CUX1: variants seen among roughly 807,000 people sequenced by gnomAD.
CUX1 encodes the protein cut like homeobox 1.
In CUX1, 31 loss-of-function variants were observed where a neutral mutation model predicts 158.8. The ratio of observed to expected loss-of-function variants is 0.20; its 90% CI spans 0.15 to 0.26. The LOEUF is 0.26. Among genes scored for constraint, CUX1 ranks in the 10% least tolerant of loss-of-function variants. CUX1 has a pLI of 1.00. For missense variants in CUX1, 1,589 were observed against 2,014.6 expected, an observed-to-expected ratio of 0.79 and a Z score of 4.04; for synonymous variants, 879 against 862.1, an observed-to-expected ratio of 1.02 and a Z score of -0.34.
At chr7:102,152,417 T>TTTTG (rs573382589) in intron 8 of CUX1, among the ~76,000 whole-genome samples, 16 of 152,046 alleles carry the variant, frequency 1.1e-4, no homozygotes, top group African/African-American at 3.6e-4. Flanking sequence ...GTTTGTTTGT[T>TTTTG]TTTGTTTGTT....
chr7:101,906,384 G>A (rs1352395936), intron 1 of CUX1, among the ~76,000 whole-genome samples: 2 of 151,468 alleles, frequency 1.3e-5, no homozygotes, highest in Non-Finnish European at 2.9e-5. Flanking sequence ...AACATTTTTT[G>A]GAAGAGAGAA....
chr7:101,999,115 C>T (rs899154618), intron 2 of CUX1, among the ~76,000 whole-genome samples: 4 of 151,786 alleles, frequency 2.6e-5, no homozygotes, highest in African/African-American at 9.7e-5. Context: ...GGGGCCACCT[C>T]TGGAGTCCGC....
intron 4 of CUX1, among the ~76,000 whole-genome samples, chr7:102,080,761 CCT>C (rs1827292839): frequency 6.6e-6 from 1 of 152,184 alleles, no homozygotes; most frequent in African/African-American, 2.4e-5. Flanking sequence ...TCTCACAGGA[CCT>C]CTCTGCACCG....
At chr7:102,280,515 C>T (rs1279838407) in intron 19 of CUX1, among the ~76,000 whole-genome samples, 2 of 152,344 alleles carry the variant, frequency 1.3e-5, no homozygotes, top group East Asian at 3.9e-4. Context: ...CACAACTCCC[C>T]TCCCCCACCC....
chr7:102,223,212 A>G (rs921075256), intron 20 of CUX1, among the ~76,000 whole-genome samples: 3 of 151,932 alleles, frequency 2.0e-5, no homozygotes, highest in Non-Finnish European at 4.4e-5. Context: ...ACTCGAGGCC[A>G]AGAGTTTAAG....
At chr7:102,190,601 C>T (rs1794168468) in intron 12 of CUX1, among the ~76,000 whole-genome samples, 1 of 152,202 alleles carries the variant, frequency 6.6e-6, no homozygotes, top group Admixed American at 6.5e-5. Context: ...CACTGGCATG[C>T]CCGCCTCACT....
intron 1 of CUX1, chr7:101,824,859 T>C (rs889851421): frequency 2.0e-5 from 3 of 152,244 alleles, no homozygotes; most frequent in African/African-American, 7.2e-5. Flanking sequence ...ACGTTTTTGA[T>C]GAGGTTTGGA....
intron 9 of CUX1, among the ~76,000 whole-genome samples, chr7:102,167,697 C>T (rs554701474): frequency 3.3e-5 from 5 of 152,344 alleles, no homozygotes; most frequent in South Asian, 2.1e-4. Flanking sequence ...AGTGATTTGA[C>T]GTGATCATCA....
At chr7:102,063,288 A>T (rs1052663725) in intron 3 of CUX1, among the ~76,000 whole-genome samples, 1 of 151,906 alleles carries the variant, frequency 6.6e-6, no homozygotes, top group Non-Finnish European at 1.5e-5. Flanking sequence ...ACCTCCCAGG[A>T]GCTACTGCCA....
intron 20 of CUX1, chr7:102,281,012 G>A (rs1263836277): frequency 1.3e-5 from 9 of 682,950 alleles, no homozygotes; most frequent in Middle Eastern, 3.3e-4. Flanking sequence ...TCCCCTTCCC[G>A]GGCAGATCCT....
rs144501002 is a variant in CUX1 at position 102,073,651 on chromosome 7, C to T, written c.268+3234C>T. On this transcript the variant is annotated intron_variant, in intron 4 of 23. Transcript: ENST00000292535. ...GAAAAAAGACCGTTTTTCTCATCAA[C>T]GTTTCCTCTTTACCTGAGCCAACCT... Among the ~76,000 whole-genome samples the T allele has an allele frequency of 3.8e-3, 578 of 152,286 alleles. 2 individuals are homozygous for T. Among genetic ancestry groups the T allele is most frequent in the African/African-American group, 0.013 (558 of 41,552 alleles).
intron 4 of CUX1, among the ~76,000 whole-genome samples, chr7:102,083,805 T>G (rs1827689336): frequency 1.4e-5 from 2 of 147,232 alleles, no homozygotes; most frequent in Non-Finnish European, 3.1e-5. Context: ...TGGCACAGAT[T>G]ATGTTCAGTT....
chr7:102,077,751 C>T (rs953174735), intron 4 of CUX1, among the ~76,000 whole-genome samples: 42 of 152,160 alleles, frequency 2.8e-4, no homozygotes, highest in African/African-American at 8.9e-4. Flanking sequence ...CTGGAATGAC[C>T]GCTTCTAACA....
chr7:102,149,260 A>T (rs1835353936), intron 8 of CUX1, among the ~76,000 whole-genome samples: 3 of 152,080 alleles, frequency 2.0e-5, no homozygotes, highest in Admixed American at 6.6e-5. Context: ...TACAGACTGG[A>T]TGTCCCCTAC....
At chr7:102,168,894 TTTTC>T (rs1791359860) in intron 9 of CUX1, among the ~76,000 whole-genome samples, 1 of 124,770 alleles carries the variant, frequency 8.0e-6, no homozygotes, top group African/African-American at 3.8e-5. Context: ...TTTTCTTTTC[TTTTC>T]TTTTCTTTTC....
At chr7:102,150,123 A>G (rs1835470222) in intron 8 of CUX1, among the ~76,000 whole-genome samples, 1 of 152,086 alleles carries the variant, frequency 6.6e-6, no homozygotes. Flanking sequence ...TGGTATTGAG[A>G]CTATTGGTGG....
chr7:102,156,812 G>A (rs535341089), intron 8 of CUX1, among the ~76,000 whole-genome samples: 51 of 152,320 alleles, frequency 3.3e-4, no homozygotes, highest in Non-Finnish European at 5.6e-4. Context: ...CCAACGTGAC[G>A]TGCAGCCCTG....
At chr7:102,080,865 G>A (rs1008077830) in intron 4 of CUX1, among the ~76,000 whole-genome samples, 1 of 152,180 alleles carries the variant, frequency 6.6e-6, no homozygotes, top group South Asian at 2.1e-4. Flanking sequence ...GTCCCAGAGC[G>A]ACTTAGTTGA....
At chr7:102,207,630 T>G (rs1554522070) in intron 20 of CUX1, among the ~76,000 whole-genome samples, 1 of 151,972 alleles carries the variant, frequency 6.6e-6, no homozygotes, top group Admixed American at 6.6e-5. Context: ...TTTTGTAGTT[T>G]CGGTAGTGAC....
Sources: allele counts gnomAD v4.1 joint callset (sites outside exome capture counted in the v4.1 genomes callset), GRCh38; gene constraint gnomAD v4.1.1; transcripts MANE v1.5; gene names NCBI Gene and HGNC (gene_info 2026-07-23, HGNC 2026-07-21).